Variants in DOCK1 observed in about 807,000 individuals in gnomAD.
The protein encoded by DOCK1 is dedicator of cytokinesis 1, also known as dedicator of cytokinesis protein 1.
DOCK1 carries 138 observed loss-of-function variants against 262.7 expected under a neutral mutation model. The observed-to-expected ratio is 0.53, with a 90% confidence interval of 0.46 to 0.61. The LOEUF (loss-of-function observed/expected upper bound fraction) is 0.61. Among genes scored for constraint, DOCK1 ranks in the 20% least tolerant of loss-of-function variants. The pLI is 0.00. For synonymous variants in DOCK1, 866 were observed against 867.4 expected, an observed-to-expected ratio of 1.00 and a Z score of 0.03; for missense variants, 1,908 against 2,370.7, an observed-to-expected ratio of 0.80 and a Z score of 4.05.
At chr10:127,362,879 A>G (rs55738635) in intron 33 of DOCK1, among the ~76,000 whole-genome samples, 1 of 133,356 alleles carries the variant, frequency 7.5e-6, no homozygotes, top group Admixed American at 7.3e-5. Context: ...ACACACATAC[A>G]CATCCCCACA....
rs183555608 is a variant in DOCK1, at chr10:126,912,341, A to G, written c.46+6778A>G. On this transcript the variant is annotated intron_variant, in intron 1 of 51. Transcript: ENST00000623213. ...GCTACTGGGGAGGCTGAGGCAGGAG[A>G]ATCACTGGAACCTCGGAGGCGGAGG... 2.8e-3 allele frequency among the ~76,000 whole-genome samples: 430 copies of G among 151,640 alleles called. 4 individuals are homozygous for G. Among genetic ancestry groups the G allele is most frequent in the African/African-American group, 0.01 (417 of 41,292 alleles).
chr10:127,231,016 C>T (rs1427817690), intron 27 of DOCK1, among the ~76,000 whole-genome samples: 1 of 152,046 alleles, frequency 6.6e-6, no homozygotes, highest in Non-Finnish European at 1.5e-5. Flanking sequence ...GTACAGATCT[C>T]TCTCTTTCTT....
chr10:127,213,563 T>G (rs1212354897), intron 27 of DOCK1, among the ~76,000 whole-genome samples: 3 of 152,250 alleles, frequency 2.0e-5, no homozygotes, highest in Non-Finnish European at 4.4e-5. Flanking sequence ...ATGAAAAATG[T>G]TTCCCTATAG....
chr10:127,107,129 G>A (rs1173557910), intron 24 of DOCK1, among the ~76,000 whole-genome samples: 2 of 152,068 alleles, frequency 1.3e-5, no homozygotes, highest in Middle Eastern at 3.2e-3. Flanking sequence ...CCCCAGGGAT[G>A]CACAGTCGTT....
intron 48 of DOCK1, among the ~76,000 whole-genome samples, chr10:127,435,522 A>G (rs752139680): frequency 6.6e-5 from 10 of 152,216 alleles, no homozygotes; most frequent in Admixed American, 2.0e-4. Context: ...AGGTATTTAA[A>G]TCATGTGTGC....
chr10:127,248,021 CT>C lies in DOCK1; in HGVS notation c.2863del (p.Cys955AlafsTer2). 1 of 1,613,934 alleles carries C rather than the reference CT, an allele frequency of 6.2e-7. No homozygotes were observed. Among genetic ancestry groups the C allele is most frequent in the Non-Finnish European group, 8.5e-7 (1 of 1,179,876 alleles). On this transcript the variant is annotated frameshift_variant, in exon 28 of 52. Transcript: ENST00000623213. LOFTEE classifies it high-confidence loss of function. ...RDSELIGNFV[A>X]CMTAILRQME... ...ATTCATTTACAGGGAAACTTCGTGG[CT>C]TGCATGACAGCTATTTTACGACAAA...
chr10:126,953,063 GTAT>G (rs1446551434), intron 1 of DOCK1, among the ~76,000 whole-genome samples: 69 of 151,792 alleles, frequency 4.5e-4, no homozygotes, highest in African/African-American at 1.6e-3. Flanking sequence ...AGTGGTGGTA[GTAT>G]TTTTGGTAGT....
At chr10:127,258,481 C>T (rs575933637) in intron 29 of DOCK1, among the ~76,000 whole-genome samples, 19 of 152,342 alleles carry the variant, frequency 1.2e-4, no homozygotes, top group African/African-American at 4.6e-4. Context: ...ATAGCTTATT[C>T]CTTTTTATTG....
At chr10:127,065,634 C>T (rs1018116380) in intron 23 of DOCK1, among the ~76,000 whole-genome samples, 2 of 152,080 alleles carry the variant, frequency 1.3e-5, no homozygotes, top group African/African-American at 4.8e-5. Flanking sequence ...ACCATGCTAC[C>T]GAAACCTCAC....
At chr10:126,955,521 T>C (rs2036659923) in intron 1 of DOCK1, among the ~76,000 whole-genome samples, 1 of 152,174 alleles carries the variant, frequency 6.6e-6, no homozygotes. Context: ...CTGGGTGTTC[T>C]GTGGAGCCCC....
intron 27 of DOCK1, among the ~76,000 whole-genome samples, chr10:127,194,365 A>G (rs781594980): frequency 2.0e-4 from 30 of 152,164 alleles, no homozygotes; most frequent in Non-Finnish European, 3.8e-4. Flanking sequence ...CAGGACTTCC[A>G]TTTTTTCTTT....
In DOCK1 at chr10:127,374,104, G is replaced by A. The variant is rs750388676; in HGVS notation, c.3565G>A (p.Glu1189Lys). ...GCACAAATACCTCGCCAAAACAGGA[G>A]AAACTTTTGTAAAACTCGTTGTGCG... ...RKHKYLAKTGETFVKLVVRLM... is the reference protein window; with the variant it reads ...RKHKYLAKTGKTFVKLVVRLM... Residue 1189 changes from glutamate (E) to lysine (K), a missense_variant, in exon 35 of 52, where the codon GAA (glutamate) becomes AAA (lysine). By Grantham distance (56) the Glu-to-Lys change is moderately conservative. Transcript: ENST00000623213. The A allele has an allele frequency of 1.2e-6, 2 of 1,613,492 alleles. No homozygotes were observed. The highest frequency in any genetic ancestry group is 4.5e-5 in the East Asian group (2 of 44,870).
intron 27 of DOCK1, among the ~76,000 whole-genome samples, chr10:127,143,878 G>C (rs747255938): frequency 4.5e-4 from 69 of 152,114 alleles, no homozygotes; most frequent in Non-Finnish European, 6.3e-4. Flanking sequence ...GTGCATATCT[G>C]AGGGGCACTG....
intron 31 of DOCK1, among the ~76,000 whole-genome samples, chr10:127,347,207 T>A (rs2063671171): frequency 6.6e-6 from 1 of 152,248 alleles, no homozygotes; most frequent in Non-Finnish European, 1.5e-5. Context: ...TTGTTTAAAA[T>A]TGTCCGCATA....
At chr10:127,127,551 T>A in intron 26 of DOCK1, 118 bp from the exon 27 acceptor site, 2 of 640,136 alleles carry the variant, frequency 3.1e-6, no homozygotes, top group Non-Finnish European at 2.4e-6. Flanking sequence ...ATTTTTCATC[T>A]CATTAAGGGT....
intron 23 of DOCK1, among the ~76,000 whole-genome samples, chr10:127,090,839 C>T (rs1458090682): frequency 2.6e-5 from 4 of 152,140 alleles, no homozygotes; most frequent in Admixed American, 6.5e-5. Flanking sequence ...GTTCATGGCT[C>T]GGTAGTATTC....
At chr10:127,331,978 A>G (rs1171116219) in intron 29 of DOCK1, among the ~76,000 whole-genome samples, 1 of 152,242 alleles carries the variant, frequency 6.6e-6, no homozygotes, top group African/African-American at 2.4e-5. Flanking sequence ...AAAGCAGCAG[A>G]AACTAGAGGT....
intron 27 of DOCK1, among the ~76,000 whole-genome samples, chr10:127,199,020 T>C (rs1292041346): frequency 6.6e-6 from 1 of 152,036 alleles, no homozygotes; most frequent in Non-Finnish European, 1.5e-5. Flanking sequence ...AGGCATATTT[T>C]TAGGGTCTAG....
intron 27 of DOCK1, among the ~76,000 whole-genome samples, chr10:127,218,843 C>T (rs2058316122): frequency 6.6e-6 from 1 of 152,172 alleles, no homozygotes; most frequent in Non-Finnish European, 1.5e-5. Flanking sequence ...AAAATCAAGG[C>T]ACCAGCAAGT....
Sources: gnomAD v4.1 joint callset for allele counts (sites outside exome capture counted in the v4.1 genomes callset) on GRCh38, gnomAD v4.1.1 for gene constraint, MANE v1.5 for transcripts, NCBI Gene and HGNC (gene_info 2026-07-23, HGNC 2026-07-21) for gene names.